The following POLR2E variants were observed in gnomAD, a reference collection of about 807,000 sequenced individuals.
POLR2E encodes the protein RNA polymerase II, I and III subunit E.
In POLR2E, 35 loss-of-function variants were observed where a neutral mutation model predicts 29.8. The observed-to-expected ratio is 1.17, with a 90% CI of 0.90 to 1.55. POLR2E has a LOEUF of 1.55. Among genes scored for constraint, POLR2E ranks in the 40% most tolerant of loss-of-function variants. POLR2E has a pLI of 0.00. For synonymous variants in POLR2E, 174 were observed against 112.6 expected (o/e 1.55, Z -3.45); for missense variants, 287 against 288.6 (o/e 0.99, Z 0.04).
rs924545876 is a variant in POLR2E, at chr19:1,094,088, G to A, written c.58-10C>T. Reference sequence around the variant, plus strand: ...CACGGTCGTGGCACAGCTGCAGAGAGAAAGAACCAGCTGACCCCAGGGCAG... The same window carrying A: ...CACGGTCGTGGCACAGCTGCAGAGAAAAAGAACCAGCTGACCCCAGGGCAG... On this transcript the variant is annotated splice_polypyrimidine_tract_variant and intron_variant, in intron 1 of 7. Transcript: ENST00000615234. 6.2e-7 allele frequency: 1 copy of A among 1,602,458 alleles called. No individual in the cohort carries two copies. The highest frequency in any genetic ancestry group is 1.3e-5 in the African/African-American group (1 of 74,422).
intron 2 of POLR2E, among the ~76,000 whole-genome samples, chr19:1,092,882 CAAA>C (rs35413641): frequency 5.9e-5 from 4 of 67,928 alleles, no homozygotes; most frequent in Admixed American, 1.8e-4. Context: ...GACTCAGTCT[CAAA>C]AAAAAAAAAA....
intron 3 of POLR2E, 63 bp downstream of exon 3, chr19:1,091,729 T>G: frequency 8.9e-7 from 1 of 1,121,870 alleles, no homozygotes; most frequent in Non-Finnish European, 1.3e-6. Flanking sequence ...CGCCTGTGGG[T>G]ACTGCTTGCG....
intron 2 of POLR2E, among the ~76,000 whole-genome samples, chr19:1,093,485 G>A: frequency 6.6e-6 from 1 of 152,194 alleles, no homozygotes. Context: ...GGGGTGCGGA[G>A]GAATGGGCTG....
intron 2 of POLR2E, chr19:1,093,611 A>G: frequency 3.7e-6 from 2 of 536,344 alleles, no homozygotes; most frequent in Non-Finnish European, 5.6e-6. Flanking sequence ...GCCAAGGGAC[A>G]CTAGGGCAAA....
chr19:1,089,842 G>T, intron 6 of POLR2E, 42 bp downstream of exon 6: 2 of 1,503,634 alleles, frequency 1.3e-6, no homozygotes, highest in Non-Finnish European at 1.8e-6. Flanking sequence ...CGAGTGGTCA[G>T]CTCAGAGCAG....
intron 2 of POLR2E, chr19:1,092,465 GT>G (rs2043855662): frequency 6.6e-6 from 1 of 152,374 alleles, no homozygotes; most frequent in Non-Finnish European, 1.5e-5. Context: ...ACTTTGGGAG[GT>G]CAAGGTGGGC....
chr19:1,090,878 C>A, intron 4 of POLR2E, 30 bp downstream of exon 4: 1 of 1,596,206 alleles, frequency 6.3e-7, no homozygotes. Flanking sequence ...GCCGGCCCCA[C>A]GCAGGCGGGA....
At chr19:1,094,928 A>G in intron 1 of POLR2E, 1 of 410,232 alleles carries the variant, frequency 2.4e-6, no homozygotes, top group East Asian at 4.2e-5. Flanking sequence ...GCGACGCTGA[A>G]TCACAGAGAA....
chr19:1,089,893 C>T lies in POLR2E; in HGVS notation c.558G>A (p.Lys186=), dbSNP rs1214300494. The T allele has an allele frequency of 1.6e-5, 26 of 1,612,048 alleles. No individual in the cohort carries two copies. Among genetic ancestry groups the T allele is most frequent in the Non-Finnish European group, 2.2e-5 (26 of 1,179,740 alleles). ...GDPVARYFGI[K]RGQVVKIIRP... Reference sequence around the variant, plus strand: ...TCCCCACAGGGCTCACCTGCCCACGCTTTATCCCAAAGTAGCGCGCCACAG... The same window carrying T: ...TCCCCACAGGGCTCACCTGCCCACGTTTTATCCCAAAGTAGCGCGCCACAG... The change falls in exon 6 of 8, where the codon AAG becomes AAA. Residue 186 remains lysine, a synonymous_variant. Transcript: ENST00000615234.
Position 1,086,687 on chromosome 19 carries a change from G to A in POLR2E, c.*2048C>T, listed in dbSNP as rs2043675396. 1 of 152,248 alleles carries A rather than the reference G, an allele frequency of 6.6e-6. No homozygotes were observed. 9.4% of individuals were successfully genotyped at this position (152,248 alleles called of 1,614,324 possible). Reference sequence around the variant, plus strand: ...TTCTGTGGCAGCTGCAAGCTTAGAAGAAGGGGCCAGGGAGGGGACAGAGAG... The same window carrying A: ...TTCTGTGGCAGCTGCAAGCTTAGAAAAAGGGGCCAGGGAGGGGACAGAGAG... On this transcript the variant is annotated 3_prime_UTR_variant, in exon 8 of 8. Coordinates refer to ENST00000615234, the MANE Select transcript of POLR2E (RefSeq NM_002695.5).
intron 2 of POLR2E, among the ~76,000 whole-genome samples, chr19:1,092,564 C>T (rs558038573): frequency 6.6e-6 from 1 of 151,904 alleles, no homozygotes; most frequent in East Asian, 1.9e-4. Context: ...AGCCCACGCC[C>T]GCAGTCCCAG....
At position 1,087,510 on chromosome 19, in the gene POLR2E, C is replaced by T. The variant is rs1250010709; in HGVS notation, c.*1225G>A. The T allele has an allele frequency of 6.6e-6, 1 of 152,160 alleles. No homozygotes were observed. The highest frequency in any genetic ancestry group is 1.9e-4 in the East Asian group (1 of 5,194). The allele number at this position is 152,160 out of a possible 1,614,324, so 9.4% of individuals were successfully genotyped here. A position where few individuals can be genotyped will look rare whatever the true frequency, so the allele number is the denominator to read the frequency against. ...AACTGTGCACATGACACACTCTGTC[C>T]CCTCCCTCCTCCCCAGCCCTGGGAA... is the stretch of plus-strand genomic sequence containing the variant. On this transcript the variant is annotated 3_prime_UTR_variant, in exon 8 of 8. Transcript: ENST00000615234.
chr19:1,089,233 G>C (rs1238373250), intron 7 of POLR2E, among the ~76,000 whole-genome samples: 3 of 152,226 alleles, frequency 2.0e-5, no homozygotes, highest in Admixed American at 1.3e-4. Context: ...GCGGCGGAGA[G>C]ACGCACGCCC....
At chr19:1,091,090 A>G (rs1176796506) in intron 3 of POLR2E, 102 bp from the exon 4 acceptor site, 1 of 942,528 alleles carries the variant, frequency 1.1e-6, no homozygotes, top group Non-Finnish European at 1.6e-6. Context: ...TGCCCCAACA[A>G]CACACCCACG....
rs947021805 is a variant in POLR2E at position 1,087,633 on chromosome 19, T to C, written c.*1102A>G. 2 of 152,174 alleles carry C rather than the reference T, an allele frequency of 1.3e-5. No homozygotes were observed. Among genetic ancestry groups the C allele is most frequent in the African/African-American group, 4.8e-5 (2 of 41,378 alleles). The allele number at this position is 152,174 out of a possible 1,614,324, so 9.4% of individuals were successfully genotyped here. ...CTCCTAGGAGTGACATCAGTGTTTG[T>C]CCCTTTGGGTCTGGCTTGCTTTGGC... On this transcript the variant is annotated 3_prime_UTR_variant, in exon 8 of 8. Transcript: ENST00000615234.
chr19:1,089,349 A>G, intron 7 of POLR2E, 123 bp downstream of exon 7: 1 of 658,976 alleles, frequency 1.5e-6, no homozygotes, highest in Non-Finnish European at 2.7e-6. Flanking sequence ...CTGGTGGCCC[A>G]GCTGGGCTGG....
chr19:1,090,810 A>C (rs1599792641), intron 4 of POLR2E, 98 bp downstream of exon 4: 1 of 1,054,820 alleles, frequency 9.5e-7, no homozygotes, highest in Non-Finnish European at 1.4e-6. Flanking sequence ...TAATAGGAAC[A>C]CCTGCCCTGG....
chr19:1,092,882 CAAAAAAA>C lies in POLR2E; in HGVS notation c.233-982_233-976del, dbSNP rs35413641. On this transcript the variant is annotated intron_variant, in intron 2 of 7. Coordinates refer to ENST00000615234, the MANE Select transcript of POLR2E (RefSeq NM_002695.5). ...TGGGTGACAGAGGGAGACTCAGTCTCAAAAAAAAAAAAAAAAAAAAAGACTGGGCGCG... is the reference window on the plus strand; with the variant it reads ...TGGGTGACAGAGGGAGACTCAGTCTCAAAAAAAAAAAAAAGACTGGGCGCG... Among the ~76,000 whole-genome samples, 3 of 67,946 alleles carry C rather than the reference CAAAAAAA, an allele frequency of 4.4e-5. No homozygotes were observed. The East Asian group carries it at 1.3e-3, about 30-fold the overall frequency. The allele number at this position is 67,946 out of a possible 152,430, so 44.6% of individuals were successfully genotyped here. A position where few individuals can be genotyped will look rare whatever the true frequency, so the allele number is the denominator to read the frequency against.
In POLR2E at chr19:1,091,846, G is replaced by A. The variant is rs781045727; in HGVS notation, c.294C>T (p.Asn98=). Residue 98 remains asparagine, a synonymous_variant, in exon 3 of 8, where the codon AAC becomes AAT. Transcript: ENST00000615234. ...KVYCQRMQEE[N]ITRALIVVQQ... ...GCACCACGATGAGAGCCCGTGTGAT[G>A]TTCTCCTCCTGCATGCGCTGGCAGT... is the stretch of plus-strand genomic sequence containing the variant. The A allele has an allele frequency of 1.2e-6, 2 of 1,613,292 alleles. No individual in the cohort carries two copies. Among genetic ancestry groups the A allele is most frequent in the South Asian group, 2.2e-5 (2 of 91,084 alleles).
Sources: allele counts gnomAD v4.1 joint callset (sites outside exome capture counted in the v4.1 genomes callset), GRCh38; gene constraint gnomAD v4.1.1; transcripts MANE v1.5; gene names NCBI Gene and HGNC (gene_info 2026-07-23, HGNC 2026-07-21).